SAMD5: variants seen among roughly 807,000 people sequenced by gnomAD.
SAMD5 encodes sterile alpha motif domain containing 5.
Under a neutral mutation model 11.3 loss-of-function variants are expected in SAMD5, and 13 were observed. The observed-to-expected ratio is 1.15, with a 90% CI of 0.75 to 1.83. The LOEUF (loss-of-function observed/expected upper bound fraction) is 1.83, where lower values mean the gene tolerates loss of function less well. SAMD5 is among the 40% of genes most tolerant of loss of function. SAMD5 has a pLI of 0.00. For missense variants in SAMD5, 255 were observed against 239.1 expected, an observed-to-expected ratio of 1.07 and a Z score of -0.44; for synonymous variants, 129 against 111.3, an observed-to-expected ratio of 1.16 and a Z score of -1.00.
the SAMD5 span, among the ~76,000 whole-genome samples, chr6:147,890,552 TTTCACCATATTG>T: frequency 6.6e-6 from 1 of 151,984 alleles, no homozygotes; most frequent in Non-Finnish European, 1.5e-5. Context: ...AGAAACAGGG[TTTCACCATATTG>T]GTCAGGCTGG....
chr6:147,797,834 A>G, the SAMD5 span, among the ~76,000 whole-genome samples: 1 of 150,190 alleles, frequency 6.7e-6, no homozygotes, highest in Non-Finnish European at 1.5e-5. Context: ...CATTTCTTCT[A>G]GATTTTCTAG....
At chr6:147,562,779 A>G (rs985460398) in intron 1 of SAMD5, among the ~76,000 whole-genome samples, 2 of 152,018 alleles carry the variant, frequency 1.3e-5, no homozygotes, top group South Asian at 2.1e-4. Flanking sequence ...CCGAGATCGC[A>G]CCACTGCACT....
At chr6:147,756,906 A>G in the SAMD5 span, among the ~76,000 whole-genome samples, 3 of 152,348 alleles carry the variant, frequency 2.0e-5, no homozygotes, top group East Asian at 5.8e-4. Context: ...GTGGCTTTCA[A>G]CATCCTTTCA....
At chr6:147,754,383 C>G in the SAMD5 span, among the ~76,000 whole-genome samples, 1 of 122,038 alleles carries the variant, frequency 8.2e-6, no homozygotes, top group Non-Finnish European at 1.7e-5. Context: ...CTACTCAAAT[C>G]TTTTACCCAT....
At chr6:147,664,796 C>G (rs150498482) in intron 1 of SAMD5, among the ~76,000 whole-genome samples, 1 of 151,784 alleles carries the variant, frequency 6.6e-6, no homozygotes, top group Non-Finnish European at 1.5e-5. Context: ...TTTTTTGCAA[C>G]TAGAAAAAAA....
At chr6:147,846,681 G>A in the SAMD5 span, among the ~76,000 whole-genome samples, 1 of 152,162 alleles carries the variant, frequency 6.6e-6, no homozygotes, top group African/African-American at 2.4e-5. Context: ...TTAGCCTGGT[G>A]TGGTGGCACA....
chr6:147,781,936 T>C, the SAMD5 span, among the ~76,000 whole-genome samples: 4 of 151,992 alleles, frequency 2.6e-5, no homozygotes, highest in Admixed American at 1.3e-4. Context: ...AGGAATGTTT[T>C]GTCATTTTTA....
intron 1 of SAMD5, among the ~76,000 whole-genome samples, chr6:147,719,201 G>A (rs1583152205): frequency 6.6e-6 from 1 of 152,338 alleles, no homozygotes; most frequent in South Asian, 2.1e-4. Context: ...TCTGGAAAAA[G>A]TCACATCAGG....
At chr6:147,914,058 A>T in the SAMD5 span, among the ~76,000 whole-genome samples, 1 of 152,090 alleles carries the variant, frequency 6.6e-6, no homozygotes, top group Non-Finnish European at 1.5e-5. Context: ...AACTTGTCCA[A>T]CCTGCGACCC....
chr6:147,689,394 C>A lies in SAMD5; in HGVS notation c.163-47923C>A, dbSNP rs181364016. 3.1e-4 allele frequency among the ~76,000 whole-genome samples: 47 copies of A among 151,708 alleles called. No individual in the cohort carries two copies. The East Asian group carries it at 6.9e-3, about 22-fold the overall frequency. On this transcript the variant is annotated intron_variant, in intron 1 of 1. Transcript: ENST00000566741. Reference sequence around the variant, plus strand: ...ACTTCCAAAATATACCAACTCATTACCTTGGAAAATCTAATGAATCTCTCT... The same window carrying A: ...ACTTCCAAAATATACCAACTCATTAACTTGGAAAATCTAATGAATCTCTCT...
the SAMD5 span, among the ~76,000 whole-genome samples, chr6:147,854,554 G>A: frequency 6.6e-6 from 1 of 152,156 alleles, no homozygotes; most frequent in African/African-American, 2.4e-5. Context: ...TTGCTCTATT[G>A]TACCTTGGAT....
In SAMD5 at chr6:147,508,937, C is replaced by T. The variant is rs66812182; in HGVS notation, c.9C>T (p.Thr3=). The change falls in exon 1 of 2, where the codon ACC becomes ACT. Residue 3 remains threonine, a synonymous_variant. Coordinates refer to ENST00000367474, the MANE Select transcript of SAMD5 (RefSeq NM_001030060.3). MC[T]NIVYEWLKAL... The stretch of plus-strand genomic sequence containing the variant: ...GGGTTCCCGGTCCCACCATGTGCAC[C>T]AACATAGTTTACGAGTGGCTCAAAG... 0.28 allele frequency: 438,656 copies of T among 1,592,538 alleles called. 61,527 individuals are homozygous for T. Among genetic ancestry groups the T allele is most frequent in the African/African-American group, 0.37 (27,275 of 73,434 alleles).
At chr6:147,599,669 C>A (rs572066376) in intron 1 of SAMD5, among the ~76,000 whole-genome samples, 92 of 152,192 alleles carry the variant, frequency 6.0e-4, no homozygotes, top group African/African-American at 2.1e-3. Flanking sequence ...TGAAGAGAAC[C>A]AGAACCATTG....
At chr6:147,954,235 G>A in the SAMD5 span, among the ~76,000 whole-genome samples, 1 of 152,258 alleles carries the variant, frequency 6.6e-6, no homozygotes, top group East Asian at 1.9e-4. Context: ...CATTTAGTAA[G>A]TAAAATAATC....
chr6:147,843,357 T>C, the SAMD5 span, among the ~76,000 whole-genome samples: 2 of 152,210 alleles, frequency 1.3e-5, no homozygotes, highest in Non-Finnish European at 2.9e-5. Context: ...CATAAATAAA[T>C]GGAAGGATAT....
chr6:147,520,041 C>G (rs1020824372), intron 1 of SAMD5, among the ~76,000 whole-genome samples: 2 of 151,932 alleles, frequency 1.3e-5, no homozygotes, highest in Non-Finnish European at 2.9e-5. Flanking sequence ...CAATGACTGT[C>G]TCACAGAGCT....
chr6:147,823,512 C>G, the SAMD5 span, among the ~76,000 whole-genome samples: 2 of 152,176 alleles, frequency 1.3e-5, no homozygotes. Flanking sequence ...CCTGCGGTCT[C>G]GTACCTGGAT....
chr6:147,655,969 C>G (rs1375663737), intron 1 of SAMD5, among the ~76,000 whole-genome samples: 1 of 152,102 alleles, frequency 6.6e-6, no homozygotes, highest in Non-Finnish European at 1.5e-5. Context: ...AATAACACAG[C>G]AACTGCCTAC....
chr6:147,794,892 G>T, the SAMD5 span, among the ~76,000 whole-genome samples: 1 of 151,686 alleles, frequency 6.6e-6, no homozygotes. Context: ...GGTGAAGAGG[G>T]AAGATGAACA....
Sources: allele counts gnomAD v4.1 joint callset (sites outside exome capture counted in the v4.1 genomes callset), GRCh38; gene constraint gnomAD v4.1.1; transcripts MANE v1.5; gene names NCBI Gene and HGNC (gene_info 2026-07-23, HGNC 2026-07-21).